The following QTMAN variants were observed in gnomAD, a reference collection of about 807,000 sequenced individuals.
QTMAN encodes the protein queuosine-tRNA mannosyltransferase.
chr2:144,308,703 C>T, the QTMAN span, among the ~76,000 whole-genome samples: 5 of 152,088 alleles, frequency 3.3e-5, no homozygotes, highest in South Asian at 2.1e-4. Context: ...CGGTGGCTCA[C>T]GCCTGTAATC....
chr2:144,042,954 C>T, the QTMAN span, among the ~76,000 whole-genome samples: 4 of 151,910 alleles, frequency 2.6e-5, no homozygotes, highest in African/African-American at 9.7e-5. Context: ...GCCATCTGTC[C>T]ACTAAGAGAT....
At chr2:143,973,860 A>G in the QTMAN span, among the ~76,000 whole-genome samples, 3 of 152,166 alleles carry the variant, frequency 2.0e-5, no homozygotes, top group Admixed American at 6.5e-5. Context: ...ATATTTGGCT[A>G]CAGCCACATA....
the QTMAN span, among the ~76,000 whole-genome samples, chr2:144,194,090 G>A: frequency 1.3e-5 from 2 of 152,114 alleles, no homozygotes; most frequent in Admixed American, 1.3e-4. Context: ...AAAATAAACA[G>A]AGACTAGAGA....
At chr2:144,096,865 C>A in the QTMAN span, among the ~76,000 whole-genome samples, 3 of 152,208 alleles carry the variant, frequency 2.0e-5, no homozygotes, top group Admixed American at 6.5e-5. Context: ...CATTCCACAG[C>A]AGTGCACTGA....
the QTMAN span, among the ~76,000 whole-genome samples, chr2:144,062,271 C>T: frequency 3.3e-5 from 5 of 152,226 alleles, no homozygotes; most frequent in African/African-American, 7.2e-5. Context: ...TCCCGTAAGG[C>T]GTTTGAGCAC....
chr2:144,250,400 C>A, the QTMAN span, among the ~76,000 whole-genome samples: 1 of 152,000 alleles, frequency 6.6e-6, no homozygotes, highest in Non-Finnish European at 1.5e-5. Flanking sequence ...ACCTCAGCCT[C>A]CCAAAGTGCT....
the QTMAN span, among the ~76,000 whole-genome samples, chr2:144,052,091 A>C: frequency 1.3e-3 from 204 of 152,334 alleles, no homozygotes; most frequent in African/African-American, 4.8e-3. Flanking sequence ...TAACTCCAGA[A>C]ACCGAACAGT....
chr2:144,324,837 C>T, the QTMAN span, among the ~76,000 whole-genome samples: 2 of 149,288 alleles, frequency 1.3e-5, no homozygotes, highest in African/African-American at 4.9e-5. Context: ...GTGGCTGAGA[C>T]ATGCTTGCTT....
the QTMAN span, among the ~76,000 whole-genome samples, chr2:144,136,755 A>G: frequency 1.3e-5 from 2 of 152,136 alleles, no homozygotes; most frequent in African/African-American, 4.8e-5. Context: ...TTCTTGAAAC[A>G]CACTGCAAAA....
At chr2:144,301,117 T>C in the QTMAN span, among the ~76,000 whole-genome samples, 1 of 152,180 alleles carries the variant, frequency 6.6e-6, no homozygotes, top group Non-Finnish European at 1.5e-5. Context: ...AAACCAAAAA[T>C]CCTTCCAATA....
chr2:144,026,803 C>CT, the QTMAN span, among the ~76,000 whole-genome samples: 1 of 152,162 alleles, frequency 6.6e-6, no homozygotes, highest in Non-Finnish European at 1.5e-5. Flanking sequence ...AATATGTACT[C>CT]AAATAAACTT....
chr2:144,303,360 G>A, the QTMAN span, among the ~76,000 whole-genome samples: 1 of 152,134 alleles, frequency 6.6e-6, no homozygotes, highest in African/African-American at 2.4e-5. Flanking sequence ...ACCTCCTTTT[G>A]TGAATAATGA....
At chr2:144,113,535 A>T in the QTMAN span, among the ~76,000 whole-genome samples, 1 of 152,250 alleles carries the variant, frequency 6.6e-6, no homozygotes, top group Non-Finnish European at 1.5e-5. Flanking sequence ...ATGATGAAAA[A>T]ATATTCAAAG....
At chr2:144,042,183 C>T in the QTMAN span, among the ~76,000 whole-genome samples, 1 of 151,994 alleles carries the variant, frequency 6.6e-6, no homozygotes, top group Admixed American at 6.6e-5. Flanking sequence ...GGCAGGCCTG[C>T]TGGGTGCAGA....
At chr2:144,119,195 C>T in the QTMAN span, among the ~76,000 whole-genome samples, 1 of 152,118 alleles carries the variant, frequency 6.6e-6, no homozygotes, top group African/African-American at 2.4e-5. Flanking sequence ...CATTTGTTTA[C>T]ATAACTACAA....
chr2:144,146,177 C>A, the QTMAN span, among the ~76,000 whole-genome samples: 1 of 148,926 alleles, frequency 6.7e-6, no homozygotes, highest in Non-Finnish European at 1.5e-5. Context: ...GCAGGAATGG[C>A]ACATGTTCAT....
the QTMAN span, among the ~76,000 whole-genome samples, chr2:144,216,269 G>C: frequency 6.6e-6 from 1 of 152,136 alleles, no homozygotes; most frequent in Non-Finnish European, 1.5e-5. Context: ...CTGTATAGTA[G>C]AATTATACTT....
the QTMAN span, among the ~76,000 whole-genome samples, chr2:144,253,424 G>C: frequency 3.3e-5 from 5 of 152,136 alleles, no homozygotes; most frequent in Non-Finnish European, 7.4e-5. Context: ...ACAGTTTGGA[G>C]GGCTCAGAAG....
At chr2:144,075,166 T>C in the QTMAN span, among the ~76,000 whole-genome samples, 1 of 152,182 alleles carries the variant, frequency 6.6e-6, no homozygotes, top group African/African-American at 2.4e-5. Context: ...TGAAAGGTAA[T>C]AAAGTTTACG....
Sources: gnomAD v4.1 joint callset for allele counts (sites outside exome capture counted in the v4.1 genomes callset) on GRCh38, gnomAD v4.1.1 for gene constraint, MANE v1.5 for transcripts, NCBI Gene and HGNC (gene_info 2026-07-23, HGNC 2026-07-21) for gene names.